The following DCUN1D3 variants were observed in gnomAD, a reference collection of about 807,000 sequenced individuals.
DCUN1D3 encodes the protein defective in cullin neddylation 1 domain containing 3.
Under a neutral mutation model 24.8 loss-of-function variants are expected in DCUN1D3, and 6 were observed. That is an observed-to-expected ratio of 0.24 (90% CI 0.13 to 0.48). DCUN1D3 has a LOEUF of 0.48. Ranked by LOEUF, DCUN1D3 falls within the 20% of genes least tolerant of loss-of-function variation. The pLI is 0.99. For synonymous variants in DCUN1D3, 120 were observed against 144.9 expected (o/e 0.83, Z 1.24); for missense variants, 258 against 379.4 (o/e 0.68, Z 2.66).
chr16:20,862,501 G>C lies in DCUN1D3; in HGVS notation c.38C>G (p.Ser13Trp), dbSNP rs774666903. The change falls in exon 2 of 3, where the codon TCG becomes TGG. Residue 13 changes from serine (S) to tryptophan (W), a missense_variant. By Grantham distance (177) the Ser-to-Trp change is radical. Transcript: ENST00000324344. ...QCVTKCKNPS[S>W]TLGSKNGDRE... ...GTCTCCATTTTTGCTGCCCAGGGTC[G>C]ATGAGGGATTCTTACACTTGGTGAC... 6.2e-7 allele frequency: 1 copy of C among 1,608,598 alleles called. No individual in the cohort carries two copies. The highest frequency in any genetic ancestry group is 8.5e-7 in the Non-Finnish European group (1 of 1,179,938).
rs1218606292 is a variant in DCUN1D3 at position 20,862,248 on chromosome 16, G to C, written c.291C>G (p.Arg97=). The change falls in exon 2 of 3, where the codon CGC becomes CGG. Residue 97 remains arginine (R), a synonymous_variant. Coordinates refer to ENST00000324344, the MANE Select transcript of DCUN1D3 (RefSeq NM_173475.4). ...TTGCATCTTCCCGCTCATCCTTGTA[G>C]CGCCTGAACAGTTCTTCCAATCTTT... ...SLQRLEELFR[R]YKDEREDAIL... 6.2e-7 allele frequency: 1 copy of C among 1,614,246 alleles called. No homozygotes were observed. The highest frequency in any genetic ancestry group is 8.5e-7 in the Non-Finnish European group (1 of 1,180,046).
rs1453586218 is a variant in DCUN1D3, at chr16:20,860,356, C to T, written c.445G>A (p.Asp149Asn). 6.2e-7 allele frequency: 1 copy of T among 1,606,926 alleles called. No individual in the cohort carries two copies. Among genetic ancestry groups the T allele is most frequent in the African/African-American group, 1.3e-5 (1 of 74,360 alleles). Reference sequence around the variant, plus strand: ...TCTGCACTTATTGCTTTGCAGCCATCAAAAAACTCCTTCCTGCAACAGAAA... The same window carrying T: ...TCTGCACTTATTGCTTTGCAGCCATTAAAAAACTCCTTCCTGCAACAGAAA... ...MCKFTRKEFF[D>N]GCKAISADSI... is the part of the protein sequence containing the mutation. Residue 149 changes from aspartate to asparagine, a missense_variant, in exon 3 of 3, where the codon GAT becomes AAT. Transcript: ENST00000324344. This position sits in a 1 kb window ranked among gnomAD's most constrained non-coding sequence, Gnocchi z 4.3.
chr16:20,896,498 T>C (rs796932154), intron 1 of DCUN1D3: 4 of 152,302 alleles, frequency 2.6e-5, no homozygotes, highest in African/African-American at 9.6e-5. Context: ...TAGTAGCCAA[T>C]GTAGGAGACA....
intron 1 of DCUN1D3, among the ~76,000 whole-genome samples, chr16:20,887,255 T>C (rs1009372947): frequency 2.0e-5 from 3 of 152,078 alleles, no homozygotes; most frequent in Admixed American, 2.0e-4. Context: ...TGAGCCAAGA[T>C]AGCGCCACTG....
rs1449814645 is a variant in DCUN1D3 at position 20,858,605 on chromosome 16, G to A, written c.*1281C>T. On this transcript the variant is annotated 3_prime_UTR_variant, in exon 3 of 3. Coordinates refer to ENST00000324344, the MANE Select transcript of DCUN1D3 (RefSeq NM_173475.4). ...CATATTTGGGGGTAGGGAAAGGAGA[G>A]GAGGGTCATGTAAACCTAAACAGTC... 2 of 149,654 alleles carry A rather than the reference G, an allele frequency of 1.3e-5. No homozygotes were observed. Among genetic ancestry groups the A allele is most frequent in the African/African-American group, 4.9e-5 (2 of 40,688 alleles). 9.3% of individuals were successfully genotyped at this position (149,654 alleles called of 1,614,324 possible). A position where few individuals can be genotyped will look rare whatever the true frequency, so the allele number is the denominator to read the frequency against.
chr16:20,862,023 G>A (rs2081736040), intron 2 of DCUN1D3, 85 bp downstream of exon 2: 1 of 1,470,154 alleles, frequency 6.8e-7, no homozygotes, highest in South Asian at 1.2e-5. Flanking sequence ...AGCCAACCCA[G>A]TCCTATCCTA....
At chr16:20,883,099 TG>T (rs1345996501) in intron 1 of DCUN1D3, among the ~76,000 whole-genome samples, 1 of 152,238 alleles carries the variant, frequency 6.6e-6, no homozygotes, top group East Asian at 1.9e-4. Flanking sequence ...ATCTGAAATC[TG>T]AAATTCTTCA....
In DCUN1D3 at chr16:20,855,474, G is replaced by A. The variant is rs1337674978; in HGVS notation, c.*4412C>T. ...TTGAAAGGAGCAGGGAGGTTGGATG[G>A]GTGGCGGAAGTAGGTATTTATGAGA... On this transcript the variant is annotated 3_prime_UTR_variant, in exon 3 of 3. Transcript: ENST00000324344. 1 of 152,292 alleles carries A rather than the reference G, an allele frequency of 6.6e-6. No individual in the cohort carries two copies. Among genetic ancestry groups the A allele is most frequent in the Non-Finnish European group, 1.5e-5 (1 of 68,068 alleles). The allele number at this position is 152,292 out of a possible 1,614,324, so 9.4% of individuals were successfully genotyped here. A position where few individuals can be genotyped will look rare whatever the true frequency, so the allele number is the denominator to read the frequency against.
intron 1 of DCUN1D3, among the ~76,000 whole-genome samples, chr16:20,898,928 C>A (rs370351360): frequency 6.6e-5 from 10 of 152,140 alleles, no homozygotes; most frequent in African/African-American, 2.4e-4. Flanking sequence ...AACAAAGAGG[C>A]CTTCTTTCCA....
In DCUN1D3 at chr16:20,856,519, T is replaced by C. The variant is rs920568578; in HGVS notation, c.*3367A>G. On this transcript the variant is annotated 3_prime_UTR_variant, in exon 3 of 3. Transcript: ENST00000324344. ...AAAACACTGCCTTGTACATTTTCAA[T>C]TGTTATTTTCCTGGGCCCAGGGGTT... 1.3e-5 allele frequency: 2 copies of C among 152,156 alleles called. No individual in the cohort carries two copies. The highest frequency in any genetic ancestry group is 6.5e-5 in the Admixed American group (1 of 15,284). 9.4% of individuals were successfully genotyped at this position (152,156 alleles called of 1,614,324 possible).
intron 1 of DCUN1D3, among the ~76,000 whole-genome samples, chr16:20,875,946 T>C (rs2081812642): frequency 6.6e-6 from 1 of 152,060 alleles, no homozygotes; most frequent in South Asian, 2.1e-4. Context: ...ATAATAATAA[T>C]AATAATCTGA....
At chr16:20,878,508 C>T (rs2081827291) in intron 1 of DCUN1D3, among the ~76,000 whole-genome samples, 1 of 152,212 alleles carries the variant, frequency 6.6e-6, no homozygotes, top group Non-Finnish European at 1.5e-5. Context: ...CCAAGGGGCT[C>T]ACCAACTGGG....
At chr16:20,892,062 T>A (rs1227275914) in intron 1 of DCUN1D3, among the ~76,000 whole-genome samples, 2 of 152,172 alleles carry the variant, frequency 1.3e-5, no homozygotes, top group African/African-American at 4.8e-5. Flanking sequence ...CTCCGACAAC[T>A]GAACCTCCCA....
chr16:20,873,663 T>C (rs540695655), intron 1 of DCUN1D3, among the ~76,000 whole-genome samples: 14 of 152,234 alleles, frequency 9.2e-5, no homozygotes, highest in African/African-American at 3.4e-4. Context: ...TATGGCTGGG[T>C]GGGGTTCATA....
rs2081702296 is a variant in DCUN1D3 at position 20,856,233 on chromosome 16, C to T, written c.*3653G>A. 1 of 152,048 alleles carries T rather than the reference C, an allele frequency of 6.6e-6. No homozygotes were observed. Among genetic ancestry groups the T allele is most frequent in the African/African-American group, 2.4e-5 (1 of 41,392 alleles). The allele number at this position is 152,048 out of a possible 1,614,324, so 9.4% of individuals were successfully genotyped here. On this transcript the variant is annotated 3_prime_UTR_variant, in exon 3 of 3. Transcript: ENST00000324344. ...ATACATTAAGTATGGCAAAAACTTA[C>T]TTTTGCACCAACCTAACAGATCTGT...
At position 20,855,488 on chromosome 16, in the gene DCUN1D3, G is replaced by C. The variant is rs934514009; in HGVS notation, c.*4398C>G. ...GAGGTTGGATGGGTGGCGGAAGTAG[G>C]TATTTATGAGATAGGCTGGGTTTCC... On this transcript the variant is annotated 3_prime_UTR_variant, in exon 3 of 3. Transcript: ENST00000324344. 3.3e-5 allele frequency: 5 copies of C among 152,214 alleles called. No individual in the cohort carries two copies. The highest frequency in any genetic ancestry group is 2.0e-4 in the Admixed American group (3 of 15,264). 9.4% of individuals were successfully genotyped at this position (152,214 alleles called of 1,614,324 possible). A position where few individuals can be genotyped will look rare whatever the true frequency, so the allele number is the denominator to read the frequency against.
chr16:20,883,169 T>G (rs1281428599), intron 1 of DCUN1D3, among the ~76,000 whole-genome samples: 1 of 152,154 alleles, frequency 6.6e-6, no homozygotes, highest in Admixed American at 6.5e-5. Flanking sequence ...TTGGAGCATT[T>G]CAGGTTTCAG....
At chr16:20,871,558 G>C (rs1051409874) in intron 1 of DCUN1D3, among the ~76,000 whole-genome samples, 1 of 152,154 alleles carries the variant, frequency 6.6e-6, no homozygotes, top group African/African-American at 2.4e-5. Context: ...TATATGTCCA[G>C]TTGAGGCCTC....
At chr16:20,867,372 C>A (rs548048262) in intron 1 of DCUN1D3, among the ~76,000 whole-genome samples, 1 of 152,182 alleles carries the variant, frequency 6.6e-6, no homozygotes, top group African/African-American at 2.4e-5. Flanking sequence ...CAAGAAGGAT[C>A]TCCTACTCGC....
Sources: gnomAD v4.1 joint callset for allele counts (sites outside exome capture counted in the v4.1 genomes callset) on GRCh38, gnomAD v4.1.1 for gene constraint, Gnocchi (gnomAD v3.1) non-coding constraint, MANE v1.5 for transcripts, NCBI Gene and HGNC (gene_info 2026-07-23, HGNC 2026-07-21) for gene names.